The following NRG1 variants were observed in gnomAD, a reference collection of about 807,000 sequenced individuals.
NRG1 encodes neuregulin 1, also known as pro-neuregulin-1, membrane-bound isoform.
In NRG1, 18 loss-of-function variants were observed where a neutral mutation model predicts 63.8. The ratio of observed to expected loss-of-function variants is 0.28; its 90% confidence interval spans 0.19 to 0.42. The LOEUF is 0.42. Among genes scored for constraint, NRG1 ranks in the 10% least tolerant of loss-of-function variants. The pLI, the probability that NRG1 is intolerant of heterozygous loss-of-function variation, is 1.00. For synonymous variants in NRG1, 302 were observed against 301.3 expected (o/e 1.00, Z -0.02); for missense variants, 762 against 814.7 (o/e 0.94, Z 0.79).
intron 1 of NRG1, among the ~76,000 whole-genome samples, chr8:32,264,857 G>A (rs932168157): frequency 1.3e-5 from 2 of 152,010 alleles, no homozygotes; most frequent in Non-Finnish European, 2.9e-5. Flanking sequence ...GAAAGACTTC[G>A]TGGAGGAAGT....
In NRG1 at chr8:32,773,053, T is replaced by C. The variant is rs540682090; in HGVS notation, c.942+12647T>C. Among the ~76,000 whole-genome samples, 83 of 152,304 alleles carry C rather than the reference T, an allele frequency of 5.4e-4. 1 individual carries two copies. In the South Asian group the frequency reaches 0.013, roughly 24 times the overall value. ...TCTTCCCTTCACTGATACCTCTGAT[T>C]TCAAAAGTTCTGAAGTCGGAAGACC... On this transcript the variant is annotated intron_variant, in intron 7 of 7. Coordinates refer to the NRG1 transcript ENST00000651335.
rs1817428034 is a variant in NRG1, at chr8:31,760,526, G to T, written c.37+121095G>T. On this transcript the variant is annotated intron_variant, in intron 1 of 10. Coordinates refer to the NRG1 transcript ENST00000519301. ...AGAATGAACAGGCAACCTACAAAAT[G>T]GGAGAAAATTTTCGCAACCTACTCA... Among the ~76,000 whole-genome samples the T allele has an allele frequency of 2.0e-5, 3 of 152,154 alleles. No homozygotes were observed. The South Asian group carries it at 6.2e-4, about 32-fold the overall frequency.
At chr8:31,801,762 T>C (rs1045418133) in intron 1 of NRG1, among the ~76,000 whole-genome samples, 1 of 152,228 alleles carries the variant, frequency 6.6e-6, no homozygotes, top group Non-Finnish European at 1.5e-5. Flanking sequence ...TCTGATAATA[T>C]ATTTCAGTAT....
At chr8:32,549,774 G>C (rs1833772728) in intron 1 of NRG1, among the ~76,000 whole-genome samples, 1 of 152,182 alleles carries the variant, frequency 6.6e-6, no homozygotes, top group Non-Finnish European at 1.5e-5. Context: ...GACAAAAGAG[G>C]CATGTCGAAT....
intron 1 of NRG1, among the ~76,000 whole-genome samples, chr8:32,400,439 A>G (rs1813026748): frequency 6.6e-6 from 1 of 152,232 alleles, no homozygotes; most frequent in Non-Finnish European, 1.5e-5. Flanking sequence ...AAGGCACTTA[A>G]ACAGATTCAC....
chr8:32,684,527 T>A (rs1394080385), intron 5 of NRG1, among the ~76,000 whole-genome samples: 2 of 152,208 alleles, frequency 1.3e-5, no homozygotes, highest in Admixed American at 1.3e-4. Context: ...TGAGGTGTCA[T>A]CATCTTCCAT....
chr8:32,615,016 A>C (rs955105970), intron 4 of NRG1, among the ~76,000 whole-genome samples: 17 of 143,244 alleles, frequency 1.2e-4, no homozygotes, highest in Non-Finnish European at 2.1e-4. Flanking sequence ...AAAACAGAAC[A>C]GAACAGAACA....
At chr8:32,693,147 G>A (rs1812262022) in intron 5 of NRG1, among the ~76,000 whole-genome samples, 1 of 151,924 alleles carries the variant, frequency 6.6e-6, no homozygotes, top group Non-Finnish European at 1.5e-5. Context: ...GCTACATTAT[G>A]CAGAAAGATT....
intron 1 of NRG1, among the ~76,000 whole-genome samples, chr8:32,056,191 A>T (rs1022530981): frequency 6.6e-6 from 1 of 152,112 alleles, no homozygotes; most frequent in East Asian, 1.9e-4. Flanking sequence ...TAGATTAGTG[A>T]CAGGGGATGC....
At chr8:31,646,742 G>C (rs1001867816) in intron 1 of NRG1, among the ~76,000 whole-genome samples, 3 of 152,178 alleles carry the variant, frequency 2.0e-5, no homozygotes, top group African/African-American at 7.2e-5. Context: ...ACCCCAGCTG[G>C]TTGGATAGTG....
chr8:31,995,199 A>C (rs889511836), intron 1 of NRG1, among the ~76,000 whole-genome samples: 1 of 152,006 alleles, frequency 6.6e-6, no homozygotes, highest in South Asian at 2.1e-4. Flanking sequence ...GAAATAGCAC[A>C]GGAAGAATCT....
chr8:32,058,877 C>T (rs1211658463), intron 1 of NRG1, among the ~76,000 whole-genome samples: 1 of 152,062 alleles, frequency 6.6e-6, no homozygotes. Context: ...CTTCTTCTCA[C>T]TCATTTCAGG....
At chr8:31,941,874 C>A (rs371837172) in intron 1 of NRG1, among the ~76,000 whole-genome samples, 23 of 152,200 alleles carry the variant, frequency 1.5e-4, no homozygotes, top group East Asian at 1.3e-3. Flanking sequence ...CAAAACACTG[C>A]TGAAAGAAAT....
At chr8:32,617,625 A>G (rs1266920481) in intron 5 of NRG1, among the ~76,000 whole-genome samples, 2 of 152,232 alleles carry the variant, frequency 1.3e-5, no homozygotes, top group Non-Finnish European at 2.9e-5. Context: ...CTTGAAAATT[A>G]AACTTATAAC....
chr8:32,021,346 A>G lies in NRG1; in HGVS notation c.37+381915A>G, dbSNP rs1206303536. ...ACAGAGAAGGTCAAAGAGGATGCAG[A>G]CATGTGTGAAGAGGGGAAAGTTTGC... On this transcript the variant is annotated intron_variant, in intron 1 of 10. Transcript: ENST00000519301. 6.6e-5 allele frequency among the ~76,000 whole-genome samples: 10 copies of G among 152,198 alleles called. 1 individual carries two copies. Among genetic ancestry groups the G allele is most frequent in the Admixed American group, 6.5e-4 (10 of 15,278 alleles).
chr8:32,749,605 C>T, intron 7 of NRG1: 1 of 1,612,326 alleles, frequency 6.2e-7, no homozygotes, highest in Non-Finnish European at 8.5e-7. Context: ...ATCATCATTC[C>T]TTTTAGCCTG....
chr8:32,250,887 T>C (rs1401937451), intron 1 of NRG1, among the ~76,000 whole-genome samples: 1 of 152,082 alleles, frequency 6.6e-6, no homozygotes, highest in Non-Finnish European at 1.5e-5. Context: ...TGCAGACATG[T>C]ATACTTATTT....
chr8:32,394,484 G>C (rs925352486), intron 1 of NRG1, among the ~76,000 whole-genome samples: 7 of 152,150 alleles, frequency 4.6e-5, no homozygotes, highest in African/African-American at 1.7e-4. Flanking sequence ...AGTCCCTTGA[G>C]ATTTTGCCTA....
chr8:32,405,429 A>C (rs186011633), intron 1 of NRG1, among the ~76,000 whole-genome samples: 44 of 152,336 alleles, frequency 2.9e-4, no homozygotes, highest in African/African-American at 1.0e-3. Flanking sequence ...CTTTGCAACT[A>C]AAGCCTTCCA....
Sources: allele counts gnomAD v4.1 joint callset (sites outside exome capture counted in the v4.1 genomes callset), GRCh38; gene constraint gnomAD v4.1.1; transcripts MANE v1.5; gene names NCBI Gene and HGNC (gene_info 2026-07-23, HGNC 2026-07-21).